VLDLR: variants seen among roughly 807,000 people sequenced by gnomAD.
The protein encoded by VLDLR is very low-density lipoprotein receptor.
VLDLR carries 81 observed loss-of-function variants against 112.7 expected under a neutral mutation model. The observed-to-expected ratio is 0.72, with a 90% CI of 0.60 to 0.86. The LOEUF is 0.86. VLDLR is among the 40% of genes least tolerant of loss of function. The pLI is 0.00. For missense variants in VLDLR, 1,237 were observed against 1,099.4 expected (o/e 1.13, Z -1.77); for synonymous variants, 436 against 384.8 (o/e 1.13, Z -1.56).
At chr9:2,640,656 C>T in intron 3 of VLDLR, among the ~76,000 whole-genome samples, 1 of 152,132 alleles carries the variant, frequency 6.6e-6, no homozygotes, top group East Asian at 1.9e-4. Context: ...GAGGCCTGCA[C>T]TGGTAGAAAC....
chr9:2,626,887 C>G (rs1413034670), intron 1 of VLDLR, among the ~76,000 whole-genome samples: 2 of 152,244 alleles, frequency 1.3e-5, no homozygotes, highest in African/African-American at 4.8e-5. Flanking sequence ...TGCCTCTAAT[C>G]TTTCATTTTC....
At position 2,646,391 on chromosome 9, in the gene VLDLR, T is replaced by A; in HGVS notation, c.1542T>A (p.Asn514Lys). The A allele has an allele frequency of 6.2e-7, 1 of 1,614,182 alleles. No homozygotes were observed. The highest frequency in any genetic ancestry group is 8.5e-7 in the Non-Finnish European group (1 of 1,180,022). The change falls in exon 11 of 19, where the codon AAT becomes AAA. Residue 514 changes from asparagine (N) to lysine (K), a missense_variant. Transcript: ENST00000382100. Reference protein sequence around the residue: ...RHVKMIDNVYNPAAIAVDWVY... With the variant: ...RHVKMIDNVYKPAAIAVDWVY... ...TTAAAATGATCGACAATGTCTATAA[T>A]CCTGCAGCCATTGCTGTTGATTGGG...
At position 2,645,693 on chromosome 9, in the gene VLDLR, A is replaced by G. The variant is rs2130796679; in HGVS notation, c.1432A>G (p.Ile478Val). ...LRNTVALDAD[I>V]AAQKLFWADL... ...AAACACTGTGGCTCTCGATGCTGAC[A>G]TTGCTGCCCAGAAACTATTCTGGGC... Residue 478 changes from isoleucine to valine, a missense_variant, in exon 10 of 19, where the codon ATT becomes GTT. By Grantham distance (29) the Ile-to-Val change is conservative. Coordinates refer to ENST00000382100, the MANE Select transcript of VLDLR (RefSeq NM_003383.5). The G allele has an allele frequency of 6.2e-7, 1 of 1,614,190 alleles. No individual in the cohort carries two copies. The highest frequency in any genetic ancestry group is 8.5e-7 in the Non-Finnish European group (1 of 1,180,038).
At chr9:2,648,864 A>G in intron 14 of VLDLR, 54 bp downstream of exon 14, 2 of 1,610,464 alleles carry the variant, frequency 1.2e-6, no homozygotes, top group Non-Finnish European at 1.7e-6. Context: ...GCAGCATGAC[A>G]CAGAACCTGC....
intron 10 of VLDLR, among the ~76,000 whole-genome samples, 162 bp downstream of exon 10, chr9:2,645,907 C>A (rs530981036): frequency 6.6e-6 from 1 of 152,264 alleles, no homozygotes; most frequent in Admixed American, 6.5e-5. Context: ...AAACTGTTAT[C>A]ACTTCCTAAT....
In VLDLR at chr9:2,643,650, C is replaced by G. The variant is rs1426522706; in HGVS notation, c.843C>G (p.Asp281Glu). Reference protein sequence around the residue: ...VNCPSRTCRPDQFECEDGSCI... With the variant: ...VNCPSRTCRPEQFECEDGSCI... ...TAGCCTCTCGAACTTGCCGACCTGA[C>G]CAATTTGAATGTGAGGATGGCAGCT... Residue 281 changes from aspartate (D) to glutamate (E), a missense_variant, in exon 6 of 19, where the codon GAC (aspartate) becomes GAG (glutamate). Asp to Glu is a conservative substitution (Grantham distance 45). Transcript: ENST00000382100. The G allele has an allele frequency of 1.2e-6, 2 of 1,614,178 alleles. No homozygotes were observed. The highest frequency in any genetic ancestry group is 1.7e-6 in the Non-Finnish European group (2 of 1,180,030).
In VLDLR at chr9:2,642,582, T is replaced by C. The variant is rs565954139; in HGVS notation, c.449-578T>C. Among the ~76,000 whole-genome samples the C allele has an allele frequency of 2.6e-5, 4 of 152,340 alleles. No homozygotes were observed. The East Asian group carries it at 7.7e-4, about 29-fold the overall frequency. ...TTGGCTAGTAGGACTAGCTTATCAT[T>C]GTCAGCATACCTGATTGTTAAATGG... On this transcript the variant is annotated intron_variant, in intron 4 of 18. Coordinates refer to ENST00000382100, the MANE Select transcript of VLDLR (RefSeq NM_003383.5).
chr9:2,652,743 G>C, intron 17 of VLDLR, 37 bp from the exon 18 acceptor site: 2 of 1,613,606 alleles, frequency 1.2e-6, no homozygotes, highest in Non-Finnish European at 1.7e-6. Flanking sequence ...TCCAATACTA[G>C]ACTTAGCTCA....
chr9:2,635,378 C>T, intron 1 of VLDLR, 75 bp from the exon 2 acceptor site: 1 of 1,607,946 alleles, frequency 6.2e-7, no homozygotes, highest in East Asian at 2.2e-5. Context: ...CTGAGAAGGT[C>T]CCCATCCATG....
rs59793046 is a variant in VLDLR at position 2,644,153 on chromosome 9, GTT to G, written c.1066+215_1066+216del. Among the ~76,000 whole-genome samples, 11,297 of 95,504 alleles carry G rather than the reference GTT, an allele frequency of 0.12. 351 individuals are homozygous for G. Among genetic ancestry groups the G allele is most frequent in the African/African-American group, 0.26 (5,601 of 21,832 alleles). The allele number at this position is 95,504 out of a possible 152,430, so 62.7% of individuals were successfully genotyped here. A position where few individuals can be genotyped will look rare whatever the true frequency, so the allele number is the denominator to read the frequency against. The stretch of plus-strand genomic sequence containing the variant: ...CTAGTTTATAGTTTTTGTTTTTGTT[GTT>G]TTTTTTTTTTTTTTTTTTTTGAGAT... On this transcript the variant is annotated intron_variant, in intron 7 of 18. Coordinates refer to ENST00000382100, the MANE Select transcript of VLDLR (RefSeq NM_003383.5).
intron 3 of VLDLR, among the ~76,000 whole-genome samples, chr9:2,641,123 A>C (rs1817802645): frequency 6.6e-6 from 1 of 152,218 alleles, no homozygotes; most frequent in East Asian, 1.9e-4. Context: ...AAAAGCCAGA[A>C]CTGAGCACGC....
chr9:2,623,239 G>T (rs1225441767), intron 1 of VLDLR, among the ~76,000 whole-genome samples: 1 of 152,226 alleles, frequency 6.6e-6, no homozygotes, highest in East Asian at 1.9e-4. Flanking sequence ...TGGGGGCCCC[G>T]CCTGGTCGTC....
At position 2,655,623 on chromosome 9, in the gene VLDLR, G is replaced by A. The variant is rs1818569017; in HGVS notation, c.*1755G>A. On this transcript the variant is annotated 3_prime_UTR_variant, in exon 19 of 19. Transcript: ENST00000382100. ...GACATTAATCCTACTAGATGAAGGG[G>A]AAGTTGGTTCTGTTGTCTTAAGGGA... is the stretch of plus-strand genomic sequence containing the variant. 6.6e-6 allele frequency: 1 copy of A among 152,126 alleles called. No homozygotes were observed. The highest frequency in any genetic ancestry group is 6.5e-5 in the Admixed American group (1 of 15,268). 9.4% of individuals were successfully genotyped at this position (152,126 alleles called of 1,614,324 possible). A position where few individuals can be genotyped will look rare whatever the true frequency, so the allele number is the denominator to read the frequency against.
At chr9:2,633,458 C>A (rs1407077030) in intron 1 of VLDLR, among the ~76,000 whole-genome samples, 1 of 152,092 alleles carries the variant, frequency 6.6e-6, no homozygotes, top group Non-Finnish European at 1.5e-5. Context: ...AGGTTGTCTT[C>A]CAGGTACCTT....
intron 1 of VLDLR, among the ~76,000 whole-genome samples, chr9:2,635,226 C>A (rs1225778869): frequency 6.6e-6 from 1 of 152,210 alleles, no homozygotes; most frequent in Non-Finnish European, 1.5e-5. Flanking sequence ...GGCTGCACCT[C>A]ACTGAGAAAG....
chr9:2,650,600 G>C, intron 15 of VLDLR, 84 bp downstream of exon 15: 1 of 1,554,118 alleles, frequency 6.4e-7, no homozygotes, highest in Non-Finnish European at 8.8e-7. Flanking sequence ...TAAGAATTCT[G>C]TCTTAGCTAA....
intron 1 of VLDLR, among the ~76,000 whole-genome samples, chr9:2,633,198 C>T (rs1037667239): frequency 6.6e-6 from 1 of 151,950 alleles, no homozygotes; most frequent in South Asian, 2.1e-4. Context: ...TTTTTGGCTT[C>T]GGATATTTTC....
intron 1 of VLDLR, among the ~76,000 whole-genome samples, chr9:2,624,302 A>G (rs1275435502): frequency 2.0e-5 from 3 of 152,146 alleles, no homozygotes; most frequent in Admixed American, 2.0e-4. Context: ...ACCAATCCCA[A>G]CCGGCATCTG....
rs1358182079 is a variant in VLDLR, at chr9:2,656,783, C to T, written c.*2915C>T. The T allele has an allele frequency of 1.3e-5, 2 of 151,746 alleles. No homozygotes were observed. The highest frequency in any genetic ancestry group is 4.8e-5 in the African/African-American group (2 of 41,312). The allele number at this position is 151,746 out of a possible 1,614,324, so 9.4% of individuals were successfully genotyped here. A position where few individuals can be genotyped will look rare whatever the true frequency, so the allele number is the denominator to read the frequency against. ...ATTTGTGGCCTCTGGTAAAGAAATC[C>T]AGCCAAGTTCCTCTGTCCAAATTTT... is the stretch of plus-strand genomic sequence containing the variant. On this transcript the variant is annotated 3_prime_UTR_variant, in exon 19 of 19. Transcript: ENST00000382100.
Sources: allele counts gnomAD v4.1 joint callset (sites outside exome capture counted in the v4.1 genomes callset), GRCh38; gene constraint gnomAD v4.1.1; transcripts MANE v1.5; gene names NCBI Gene and HGNC (gene_info 2026-07-23, HGNC 2026-07-21).